SP100: variants seen among roughly 807,000 people sequenced by gnomAD.
SP100 encodes SP100 nuclear body protein, also known as nuclear autoantigen Sp-100.
Under a neutral mutation model 130.0 loss-of-function variants are expected in SP100, and 84 were observed. That is an observed-to-expected ratio of 0.65 (90% confidence interval 0.54 to 0.77). SP100 has a LOEUF of 0.77. Ranked by LOEUF, SP100 falls within the 30% of genes least tolerant of loss-of-function variation. The pLI is 0.00. For missense variants in SP100, 978 were observed against 1,052.2 expected, an observed-to-expected ratio of 0.93 and a Z score of 0.97; for synonymous variants, 331 against 351.7, an observed-to-expected ratio of 0.94 and a Z score of 0.66.
chr2:230,433,439 T>C (rs1038219392), intron 2 of SP100, among the ~76,000 whole-genome samples: 1 of 152,096 alleles, frequency 6.6e-6, no homozygotes, highest in Non-Finnish European at 1.5e-5. Context: ...GTCTTCCAAC[T>C]TTTTTCTTCT....
intron 19 of SP100, among the ~76,000 whole-genome samples, chr2:230,499,824 G>C (rs7592524): frequency 0.018 from 2,688 of 152,130 alleles, 65 homozygotes; most frequent in African/African-American, 0.061. Context: ...AGGGACGGAG[G>C]TCCATCTCCT....
At chr2:230,436,943 C>CATATATGTGTATACACACACAT (rs879626172) in intron 2 of SP100, among the ~76,000 whole-genome samples, 1,972 of 138,152 alleles carry the variant, frequency 0.014, 71 homozygotes, top group African/African-American at 0.051. Flanking sequence ...TACACACACG[C>CATATATGTGTATACACACACAT]ATATATGTGT....
At chr2:230,461,667 G>A (rs902083347) in intron 9 of SP100, among the ~76,000 whole-genome samples, 3 of 152,120 alleles carry the variant, frequency 2.0e-5, no homozygotes, top group African/African-American at 7.2e-5. Context: ...AGTCAGAGAG[G>A]GCTGGGCCTG....
chr2:230,483,307 A>C (rs1484973385), intron 17 of SP100, among the ~76,000 whole-genome samples: 1 of 152,196 alleles, frequency 6.6e-6, no homozygotes, highest in African/African-American at 2.4e-5. Context: ...TCAAGATCTA[A>C]ATGCAGTGAG....
At chr2:230,462,640 A>G (rs1559501628) in intron 10 of SP100, 122 bp downstream of exon 10, 2 of 737,572 alleles carry the variant, frequency 2.7e-6, no homozygotes, top group East Asian at 5.2e-5. Context: ...CTGGGATCCC[A>G]TTCTTTGCAT....
chr2:230,535,092 A>G (rs1339613867), intron 24 of SP100, among the ~76,000 whole-genome samples: 1 of 152,106 alleles, frequency 6.6e-6, no homozygotes, highest in East Asian at 1.9e-4. Flanking sequence ...GCTACTCGGG[A>G]GTCTGAGGCA....
chr2:230,427,514 A>T (rs1442049623), intron 2 of SP100, among the ~76,000 whole-genome samples: 1 of 151,986 alleles, frequency 6.6e-6, no homozygotes, highest in East Asian at 1.9e-4. Context: ...GGTTTTTTTT[A>T]ATCCATTCAG....
At chr2:230,476,796 C>T (rs1259817214) in intron 17 of SP100, among the ~76,000 whole-genome samples, 1 of 152,016 alleles carries the variant, frequency 6.6e-6, no homozygotes, top group Non-Finnish European at 1.5e-5. Context: ...CATTTATTAT[C>T]GGTCATTTCT....
intron 17 of SP100, among the ~76,000 whole-genome samples, chr2:230,492,372 A>G (rs1384557374): frequency 6.6e-6 from 1 of 152,234 alleles, no homozygotes; most frequent in African/African-American, 2.4e-5. Context: ...GCAGTGGTGC[A>G]ATATTAGCTG....
chr2:230,449,306 T>G (rs1472166084), intron 6 of SP100, 156 bp downstream of exon 6: 3 of 842,984 alleles, frequency 3.6e-6, no homozygotes, highest in Middle Eastern at 4.3e-4. Flanking sequence ...CAAGTCCTTA[T>G]CCTCTAGGTT....
At chr2:230,461,171 G>T in intron 8 of SP100, 91 bp from the exon 9 acceptor site, 1 of 1,235,272 alleles carries the variant, frequency 8.1e-7, no homozygotes, top group South Asian at 1.4e-5. Context: ...TCTAGCCCCA[G>T]CAGTGAAATT....
At chr2:230,527,771 A>G (rs1259431500) in intron 24 of SP100, among the ~76,000 whole-genome samples, 1 of 152,222 alleles carries the variant, frequency 6.6e-6, no homozygotes, top group African/African-American at 2.4e-5. Context: ...AGGGGTTGCA[A>G]TCCTAGTCTC....
intron 2 of SP100, among the ~76,000 whole-genome samples, chr2:230,426,424 G>A (rs1275323162): frequency 7.2e-5 from 11 of 152,110 alleles, no homozygotes; most frequent in Admixed American, 2.6e-4. Flanking sequence ...GTTTTGCTAT[G>A]TTGTGTTTTC....
chr2:230,483,194 T>C (rs781152669), intron 17 of SP100, among the ~76,000 whole-genome samples: 1 of 152,150 alleles, frequency 6.6e-6, no homozygotes, highest in East Asian at 1.9e-4. Context: ...ATAGTGACAA[T>C]GTCATAAAGA....
intron 2 of SP100, among the ~76,000 whole-genome samples, chr2:230,441,109 A>C (rs1027178850): frequency 6.6e-6 from 1 of 152,196 alleles, no homozygotes; most frequent in Non-Finnish European, 1.5e-5. Context: ...ATATTTAAAA[A>C]ATGCCTACCC....
At chr2:230,478,628 G>A (rs1367726247) in intron 17 of SP100, among the ~76,000 whole-genome samples, 1 of 152,086 alleles carries the variant, frequency 6.6e-6, no homozygotes, top group Non-Finnish European at 1.5e-5. Context: ...ACTATGGGTC[G>A]AGGGGCCTTT....
In SP100 at chr2:230,443,083, C is replaced by A. The variant is rs1176318142; in HGVS notation, c.254C>A (p.Thr85Lys). The part of the protein sequence containing the change: ...LEGLRDRDLI[T>K]NKMFEDSQDS... ...GGCCTCCGTGATCGTGATCTCATCA[C>A]AAATAAAATGTTTGAAGTAAGTAAA... Residue 85 changes from threonine (T) to lysine (K), a missense_variant, in exon 3 of 29, where the codon ACA becomes AAA. Thr to Lys is a moderately conservative substitution (Grantham distance 78). Coordinates refer to ENST00000340126, the MANE Select transcript of SP100 (RefSeq NM_001080391.2). 1 of 1,613,858 alleles carries A rather than the reference C, an allele frequency of 6.2e-7. No homozygotes were observed. The highest frequency in any genetic ancestry group is 2.2e-5 in the East Asian group (1 of 44,870).
In SP100 at chr2:230,474,454, A is replaced by G; in HGVS notation, c.1600+7A>G. On this transcript the variant is annotated splice_region_variant and intron_variant, in intron 17 of 28. Transcript: ENST00000340126. Reference sequence around the variant, plus strand: ...AAACACAGTGGGAAAAGAAGTAAGAACAAATAAGAATTTACTTAATTTTTA... The same window carrying G: ...AAACACAGTGGGAAAAGAAGTAAGAGCAAATAAGAATTTACTTAATTTTTA... The G allele has an allele frequency of 3.9e-6, 5 of 1,296,962 alleles. No individual in the cohort carries two copies. Among genetic ancestry groups the G allele is most frequent in the Non-Finnish European group, 5.5e-6 (5 of 904,202 alleles). The allele number at this position is 1,296,962 out of a possible 1,614,324, so 80.3% of individuals were successfully genotyped here. A position where few individuals can be genotyped will look rare whatever the true frequency, so the allele number is the denominator to read the frequency against.
chr2:230,520,261 G>T (rs1460347137), intron 24 of SP100, among the ~76,000 whole-genome samples: 1 of 152,126 alleles, frequency 6.6e-6, no homozygotes, highest in Non-Finnish European at 1.5e-5. Context: ...CTCCGCTATT[G>T]TGGGTTTCCT....
Sources: allele counts gnomAD v4.1 joint callset (sites outside exome capture counted in the v4.1 genomes callset), GRCh38; gene constraint gnomAD v4.1.1; transcripts MANE v1.5; gene names NCBI Gene and HGNC (gene_info 2026-07-23, HGNC 2026-07-21).